Variants in S100A16 observed in about 807,000 individuals in gnomAD.
S100A16 encodes S100 calcium binding protein A16.
S100A16 carries 8 observed loss-of-function variants against 9.0 expected under a neutral mutation model. That is an observed-to-expected ratio of 0.89 (90% CI 0.52 to 1.60). The LOEUF (loss-of-function observed/expected upper bound fraction) is 1.60, where lower values mean the gene tolerates loss of function less well. Among genes scored for constraint, S100A16 ranks in the 40% most tolerant of loss-of-function variants. S100A16 has a pLI of 0.00. For synonymous variants in S100A16, 51 were observed against 51.4 expected (o/e 0.99, Z 0.04); for missense variants, 138 against 132.4 (o/e 1.04, Z -0.21).
rs1666722488 is a variant in S100A16 at position 153,607,562 on chromosome 1, T to C, written c.284A>G (p.His95Arg). The change falls in exon 3 of 3, where the codon CAT becomes CGT. Residue 95 changes from histidine to arginine, a missense_variant. Coordinates refer to ENST00000368706, the MANE Select transcript of S100A16 (RefSeq NM_080388.3). ...GCTGCTGCTCTGCTGCTCCTGCTCA[T>C]GGATGAGTTTGGCGATGGGGCCGGT... ...GITGPIAKLI[H>R]EQEQQSSS is the part of the protein sequence containing the mutation. 1.9e-6 allele frequency: 3 copies of C among 1,614,222 alleles called. No homozygotes were observed. The African/African-American group carries it at 4.0e-5, about 22-fold the overall frequency.
intron 1 of S100A16, among the ~76,000 whole-genome samples, chr1:153,611,917 T>TCACACACACACACACACACACACACA (rs55729519): frequency 2.8e-5 from 4 of 140,792 alleles, no homozygotes; most frequent in Non-Finnish European, 6.1e-5. Context: ...TGTCTCTCTC[T>TCACACACACACACACACACACACACA]CACACACACA....
chr1:153,609,142 C>A (rs1666777060), intron 1 of S100A16: 4 of 985,700 alleles, frequency 4.1e-6, no homozygotes, highest in Non-Finnish European at 4.8e-6. Context: ...TCCCTTCCCA[C>A]CCCCAAGCCC....
chr1:153,608,207 G>C (rs1328235524), intron 1 of S100A16, 30 bp from the exon 2 acceptor site: 1 of 1,599,102 alleles, frequency 6.3e-7, no homozygotes, highest in Non-Finnish European at 8.5e-7. Flanking sequence ...GAGATGAGAA[G>C]AGACACCCAC....
At chr1:153,607,806 T>A in intron 2 of S100A16, 114 bp from the exon 3 acceptor site, 1 of 1,383,350 alleles carries the variant, frequency 7.2e-7, no homozygotes, top group Non-Finnish European at 1.0e-6. Context: ...CCTTGGGAAA[T>A]GCAAATATAG....
At chr1:153,612,273 G>A (rs944614970) in intron 1 of S100A16, among the ~76,000 whole-genome samples, 2 of 152,164 alleles carry the variant, frequency 1.3e-5, no homozygotes, top group African/African-American at 4.8e-5. Context: ...CTCAAGCCGG[G>A]GCCTGCCTGG....
At chr1:153,608,322 G>A (rs1262116329) in intron 1 of S100A16, 145 bp from the exon 2 acceptor site, 3 of 660,594 alleles carry the variant, frequency 4.5e-6, no homozygotes, top group African/African-American at 3.6e-5. Flanking sequence ...GGGGAACAGA[G>A]TGGGTGGGGG....
At chr1:153,610,900 C>G (rs1327941717) in intron 1 of S100A16, among the ~76,000 whole-genome samples, 1 of 151,780 alleles carries the variant, frequency 6.6e-6, no homozygotes, top group East Asian at 1.9e-4. Flanking sequence ...GGCAGATGTT[C>G]TATCCCATCA....
At position 153,607,418 on chromosome 1, in the gene S100A16, TG is replaced by T; in HGVS notation, c.*115del. ...GTTCAGCAAGGGTCAGAGGAAGGTCTGGAGGGAGAAGAGAGTAAAGGGCCCT... is the reference window on the plus strand; with the variant it reads ...GTTCAGCAAGGGTCAGAGGAAGGTCTGAGGGAGAAGAGAGTAAAGGGCCCT... On this transcript the variant is annotated 3_prime_UTR_variant, in exon 3 of 3. Transcript: ENST00000368706. The T allele has an allele frequency of 8.2e-7, 1 of 1,219,022 alleles. No homozygotes were observed. Among genetic ancestry groups the T allele is most frequent in the Non-Finnish European group, 1.2e-6 (1 of 848,436 alleles). 75.5% of individuals were successfully genotyped at this position (1,219,022 alleles called of 1,614,324 possible).
In S100A16 at chr1:153,607,679, C is replaced by T. The variant is rs146550187; in HGVS notation, c.167G>A (p.Arg56Gln). 7.4e-6 allele frequency: 12 copies of T among 1,614,054 alleles called. No homozygotes were observed. The highest frequency in any genetic ancestry group is 1.6e-4 in the Middle Eastern group (1 of 6,082). The change falls in exon 3 of 3, where the codon CGG (arginine) becomes CAG (glutamine). Residue 56 changes from arginine to glutamine, a missense_variant. By Grantham distance (43) the Arg-to-Gln change is conservative (BLOSUM62 1). Transcript: ENST00000368706. ...LNHMLSDTGN[R>Q]KAADKLIQNL... ...CTGGATGAGCTTATCCGCAGCCTTC[C>T]GGTTCCCTGTGTCCTGGGGAGGAAG...
chr1:153,610,942 G>A (rs574186038), intron 1 of S100A16, among the ~76,000 whole-genome samples: 169 of 152,164 alleles, frequency 1.1e-3, no homozygotes, highest in African/African-American at 3.9e-3. Context: ...GCAGGAGGTC[G>A]TTCCTGCATT....
chr1:153,609,816 C>T (rs1325025024), intron 1 of S100A16, among the ~76,000 whole-genome samples: 6 of 152,142 alleles, frequency 3.9e-5, no homozygotes, highest in South Asian at 2.1e-4. Flanking sequence ...TTCATGAAGC[C>T]TCTTCTGAAG....
intron 1 of S100A16, among the ~76,000 whole-genome samples, chr1:153,609,831 G>T (rs2101513236): frequency 6.6e-6 from 1 of 152,268 alleles, no homozygotes; most frequent in Admixed American, 6.5e-5. Context: ...CTGAAGGAAG[G>T]GTGGGACCAG....
chr1:153,607,810 A>C (rs1350270131), intron 2 of S100A16, 118 bp from the exon 3 acceptor site: 2 of 1,354,666 alleles, frequency 1.5e-6, no homozygotes, highest in African/African-American at 2.9e-5. Flanking sequence ...GGGAAATGCA[A>C]ATATAGCCCT....
In S100A16 at chr1:153,607,119, C is replaced by T. The variant is rs1666706550; in HGVS notation, c.*415G>A. The stretch of plus-strand genomic sequence containing the variant: ...TCTGCTGCTGCTGCTGCTGCTGCTG[C>T]TGCTGTTGCTGCTACCACTGCCACC... On this transcript the variant is annotated 3_prime_UTR_variant, in exon 3 of 3. Coordinates refer to ENST00000368706, the MANE Select transcript of S100A16 (RefSeq NM_080388.3). The T allele has an allele frequency of 1.8e-5, 8 of 449,030 alleles. No homozygotes were observed. Among genetic ancestry groups the T allele is most frequent in the Admixed American group, 4.8e-5 (2 of 41,282 alleles). 27.8% of individuals were successfully genotyped at this position (449,030 alleles called of 1,614,324 possible).
At chr1:153,607,882 T>C in intron 2 of S100A16, 117 bp downstream of exon 2, 1 of 1,230,312 alleles carries the variant, frequency 8.1e-7, no homozygotes, top group Non-Finnish European at 1.2e-6. Flanking sequence ...GACCCTGGAG[T>C]TAGCGGGGAC....
At chr1:153,608,208 A>C (rs1666745975) in intron 1 of S100A16, 31 bp from the exon 2 acceptor site, 1 of 1,594,280 alleles carries the variant, frequency 6.3e-7, no homozygotes, top group South Asian at 1.1e-5. Context: ...AGATGAGAAG[A>C]GACACCCACA....
intron 1 of S100A16, among the ~76,000 whole-genome samples, chr1:153,610,075 T>G (rs1168442987): frequency 1.3e-5 from 2 of 152,208 alleles, no homozygotes; most frequent in African/African-American, 4.8e-5. Flanking sequence ...GCTGCAAGAC[T>G]TTCATACAAA....
intron 1 of S100A16, among the ~76,000 whole-genome samples, chr1:153,609,940 C>T (rs1197314794): frequency 1.3e-5 from 2 of 152,194 alleles, no homozygotes; most frequent in East Asian, 1.9e-4. Context: ...TTCCCTCCTC[C>T]GCCTGCCCAA....
chr1:153,607,755 C>T, intron 2 of S100A16, 63 bp from the exon 3 acceptor site: 1 of 1,592,696 alleles, frequency 6.3e-7, no homozygotes, highest in Non-Finnish European at 8.6e-7. Context: ...CCAGGCAGGA[C>T]CCTAGGCAGA....
Sources: gnomAD v4.1 joint callset for allele counts (sites outside exome capture counted in the v4.1 genomes callset) on GRCh38, gnomAD v4.1.1 for gene constraint, MANE v1.5 for transcripts, NCBI Gene and HGNC (gene_info 2026-07-23, HGNC 2026-07-21) for gene names.